Variants in PPP3CB observed in about 807,000 individuals in gnomAD.
The protein encoded by PPP3CB is protein phosphatase 3 catalytic subunit beta.
Under a neutral mutation model 66.4 loss-of-function variants are expected in PPP3CB, and 8 were observed. That is an observed-to-expected ratio of 0.12 (90% CI 0.07 to 0.22). PPP3CB has a LOEUF of 0.22. PPP3CB is among the 10% of genes least tolerant of loss of function. The pLI is 1.00. For missense variants in PPP3CB, 319 were observed against 642.5 expected (o/e 0.50, Z 5.44); for synonymous variants, 208 against 221.2 (o/e 0.94, Z 0.53).
At chr10:73,440,756 A>G (rs952690235) in intron 12 of PPP3CB, among the ~76,000 whole-genome samples, 1 of 152,248 alleles carries the variant, frequency 6.6e-6, no homozygotes. Flanking sequence ...AAGAGAAGTG[A>G]GGTCTTACAG....
At chr10:73,440,635 T>C (rs1467725884) in intron 12 of PPP3CB, among the ~76,000 whole-genome samples, 1 of 152,180 alleles carries the variant, frequency 6.6e-6, no homozygotes, top group African/African-American at 2.4e-5. Context: ...ATCTATAGCC[T>C]TAAAAAATTC....
At chr10:73,479,236 C>A in intron 2 of PPP3CB, 81 bp downstream of exon 2, 2 of 1,222,582 alleles carry the variant, frequency 1.6e-6, no homozygotes, top group South Asian at 2.5e-5. Context: ...CATACAGTAT[C>A]ATTGAAAACA....
intron 9 of PPP3CB, among the ~76,000 whole-genome samples, chr10:73,460,830 A>T (rs1397040255): frequency 6.6e-6 from 1 of 152,220 alleles, no homozygotes; most frequent in African/African-American, 2.4e-5. Context: ...CCCCTAGGCA[A>T]GTGTAAGAGT....
intron 1 of PPP3CB, among the ~76,000 whole-genome samples, chr10:73,486,808 G>C (rs1169019769): frequency 6.6e-6 from 1 of 151,814 alleles, no homozygotes; most frequent in African/African-American, 2.4e-5. Flanking sequence ...TCCACTAAGG[G>C]AAAAAAAATG....
chr10:73,454,098 C>A (rs770347764), intron 10 of PPP3CB, among the ~76,000 whole-genome samples: 6 of 152,184 alleles, frequency 3.9e-5, no homozygotes, highest in Admixed American at 6.5e-5. Context: ...TTTTTATCCT[C>A]TTTTCTCTAA....
At chr10:73,494,554 G>GA (rs1293102188) in intron 1 of PPP3CB, among the ~76,000 whole-genome samples, 1 of 151,714 alleles carries the variant, frequency 6.6e-6, no homozygotes, top group Admixed American at 6.6e-5. Flanking sequence ...CTCAGCATCC[G>GA]AAAGTGCTGG....
chr10:73,486,096 C>T (rs926557844), intron 1 of PPP3CB, among the ~76,000 whole-genome samples: 1 of 151,698 alleles, frequency 6.6e-6, no homozygotes, highest in African/African-American at 2.4e-5. Flanking sequence ...CAGGCGTGCA[C>T]CACCATGCCC....
chr10:73,468,276 A>C (rs950025607), intron 8 of PPP3CB, among the ~76,000 whole-genome samples: 1 of 152,206 alleles, frequency 6.6e-6, no homozygotes, highest in Non-Finnish European at 1.5e-5. Flanking sequence ...ACACCAAAAG[A>C]GAATATTATA....
At chr10:73,452,424 G>A (rs2056361628) in intron 10 of PPP3CB, among the ~76,000 whole-genome samples, 1 of 152,146 alleles carries the variant, frequency 6.6e-6, no homozygotes, top group African/African-American at 2.4e-5. Flanking sequence ...GGCTGGGCAT[G>A]GTGGCTCACG....
At chr10:73,459,823 T>G (rs1365678879) in intron 9 of PPP3CB, among the ~76,000 whole-genome samples, 1 of 151,974 alleles carries the variant, frequency 6.6e-6, no homozygotes, top group Non-Finnish European at 1.5e-5. Context: ...AAATGAAGAG[T>G]GACTGCTAAT....
chr10:73,455,871 G>T (rs2056418972), intron 9 of PPP3CB, among the ~76,000 whole-genome samples: 3 of 152,112 alleles, frequency 2.0e-5, no homozygotes, highest in Admixed American at 2.0e-4. Flanking sequence ...CGCCCAGCCT[G>T]TCAACTGTCT....
rs1014982889 is a variant in PPP3CB at position 73,439,354 on chromosome 10, A to G, written c.1396+518T>C. On this transcript the variant is annotated intron_variant, in intron 13 of 13. Coordinates refer to ENST00000360663, the MANE Select transcript of PPP3CB (RefSeq NM_021132.4). ...ATGAACATAATCTTATCCATAAACT[A>G]TAGCCCAAACTGCGGCCAAAAAAGA... Among the ~76,000 whole-genome samples, 4 of 152,350 alleles carry G rather than the reference A, an allele frequency of 2.6e-5. No individual in the cohort carries two copies. In the East Asian group the frequency reaches 5.8e-4, roughly 22 times the overall value.
At chr10:73,444,963 T>C in intron 11 of PPP3CB, 141 bp from the exon 12 acceptor site, 1 of 859,266 alleles carries the variant, frequency 1.2e-6, no homozygotes, top group Non-Finnish European at 1.7e-6. Flanking sequence ...TTTCAAGACA[T>C]TAATTTTTCT....
intron 9 of PPP3CB, among the ~76,000 whole-genome samples, 156 bp from the exon 10 acceptor site, chr10:73,454,645 T>C (rs1203715457): frequency 6.6e-6 from 1 of 151,916 alleles, no homozygotes; most frequent in East Asian, 1.9e-4. Flanking sequence ...ATGCAAAGGC[T>C]TTCAAAATGA....
At chr10:73,464,946 C>CAAA (rs1211199797) in intron 9 of PPP3CB, among the ~76,000 whole-genome samples, 1 of 103,332 alleles carries the variant, frequency 9.7e-6, no homozygotes, top group Non-Finnish European at 2.1e-5. Context: ...GACTGTGCCT[C>CAAA]AAAAAAAAAA....
rs537289802 is a variant in PPP3CB at position 73,457,187 on chromosome 10, A to G, written c.1109-2698T>C. On this transcript the variant is annotated intron_variant, in intron 9 of 13. Transcript: ENST00000360663. ...ATCCCAGCTACCTGGGAGAATGAAGAAGGAGGATCACTTGAGCCTAGTAAT... is the reference window on the plus strand; with the variant it reads ...ATCCCAGCTACCTGGGAGAATGAAGGAGGAGGATCACTTGAGCCTAGTAAT... Among the ~76,000 whole-genome samples, 28 of 149,274 alleles carry G rather than the reference A, an allele frequency of 1.9e-4. No homozygotes were observed. In the South Asian group the frequency reaches 3.9e-3, roughly 21 times the overall value.
intron 8 of PPP3CB, among the ~76,000 whole-genome samples, chr10:73,470,436 T>C (rs1014816071): frequency 7.2e-5 from 11 of 152,344 alleles, no homozygotes; most frequent in Non-Finnish European, 1.0e-4. Context: ...TTGGTTTTGC[T>C]TGATGCACTT....
intron 9 of PPP3CB, among the ~76,000 whole-genome samples, chr10:73,464,885 T>G (rs773997764): frequency 7.3e-5 from 11 of 151,706 alleles, no homozygotes; most frequent in Middle Eastern, 6.8e-3. Context: ...GAGCTGAGAT[T>G]GTGCCTGGGC....
intron 9 of PPP3CB, among the ~76,000 whole-genome samples, chr10:73,459,260 G>C (rs551300045): frequency 3.3e-5 from 5 of 152,286 alleles, no homozygotes; most frequent in African/African-American, 1.2e-4. Flanking sequence ...AGGCCGAGGC[G>C]GGTGGATCAG....
Sources: allele counts gnomAD v4.1 joint callset (sites outside exome capture counted in the v4.1 genomes callset), GRCh38; gene constraint gnomAD v4.1.1; transcripts MANE v1.5; gene names NCBI Gene and HGNC (gene_info 2026-07-23, HGNC 2026-07-21).